Variants in LIAT1 observed in about 807,000 individuals in gnomAD.
The protein encoded by LIAT1 is ligand of ATE1.
At chr17:414,272 G>T in the LIAT1 span, 3 of 897,344 alleles carry the variant, frequency 3.3e-6, no homozygotes, top group Non-Finnish European at 5.1e-6. This position sits in a 1 kb window ranked among gnomAD's most constrained non-coding sequence, Gnocchi z 4.1. Context: ...AGCTGCCCTC[G>T]GTTGCCCAGG....
the LIAT1 span, chr17:410,403 G>T: frequency 1.3e-6 from 2 of 1,527,502 alleles, no homozygotes; most frequent in African/African-American, 1.4e-5. Context: ...AGTCGGCATC[G>T]GGCCTCGGGC....
At chr17:414,264 C>A in the LIAT1 span, 2 of 1,002,996 alleles carry the variant, frequency 2.0e-6, no homozygotes, top group Non-Finnish European at 2.9e-6. The surrounding 1 kb of genome is among the most constrained non-coding windows in gnomAD (Gnocchi z 4.1). Context: ...CATCACCAAG[C>A]TGCCCTCGGT....
the LIAT1 span, chr17:410,386 G>C: frequency 1.6e-5 from 24 of 1,523,280 alleles, no homozygotes; most frequent in South Asian, 1.9e-4. Context: ...GCTGAGAGTC[G>C]CCGATTAGTC....
the LIAT1 span, among the ~76,000 whole-genome samples, chr17:411,359 C>T: frequency 6.6e-6 from 1 of 152,304 alleles, no homozygotes; most frequent in African/African-American, 2.4e-5. Flanking sequence ...CACCTTCTAT[C>T]AATGTAACAC....
chr17:410,678 C>T, the LIAT1 span: 2 of 1,529,682 alleles, frequency 1.3e-6, no homozygotes, highest in African/African-American at 1.4e-5. Context: ...GCTGCGTCAG[C>T]TCCGGTTCCC....
the LIAT1 span, chr17:413,525 G>A: frequency 1.5e-5 from 20 of 1,294,502 alleles, no homozygotes; most frequent in East Asian, 1.8e-4. Flanking sequence ...CTTCCACCCC[G>A]ACCCCGAGGC....
chr17:410,527 C>T, the LIAT1 span: 3 of 1,545,614 alleles, frequency 1.9e-6, no homozygotes, highest in Middle Eastern at 1.7e-4. Flanking sequence ...GAGGGCGGCG[C>T]CGCGGGCCCG....
the LIAT1 span, chr17:414,204 C>T: frequency 2.8e-6 from 4 of 1,449,384 alleles, no homozygotes; most frequent in African/African-American, 4.3e-5. The surrounding 1 kb of genome is among the most constrained non-coding windows in gnomAD (Gnocchi z 4.1). Context: ...GAAATGAGAC[C>T]CGTATCTGAA....
the LIAT1 span, among the ~76,000 whole-genome samples, chr17:412,244 G>C: frequency 6.6e-6 from 1 of 152,006 alleles, no homozygotes; most frequent in South Asian, 2.1e-4. Flanking sequence ...GGAGGTTGCA[G>C]TGAGCCAAGA....
chr17:413,058 C>T, the LIAT1 span: 12 of 1,496,658 alleles, frequency 8.0e-6, no homozygotes, highest in Non-Finnish European at 9.9e-6. Context: ...CCCCCATCCT[C>T]CTCTTCCATC....
the LIAT1 span, among the ~76,000 whole-genome samples, chr17:410,803 A>AT: frequency 1.3e-5 from 2 of 151,930 alleles, no homozygotes; most frequent in Non-Finnish European, 2.9e-5. Context: ...CAGCACGTTG[A>AT]TGCCCCAGCC....
chr17:412,065 C>G, the LIAT1 span, among the ~76,000 whole-genome samples: 7 of 152,244 alleles, frequency 4.6e-5, no homozygotes, highest in African/African-American at 1.7e-4. Context: ...TTCTGCAGTT[C>G]AGGTCAAGAA....
chr17:414,387 G>A, the LIAT1 span: 2 of 447,304 alleles, frequency 4.5e-6, no homozygotes, highest in Non-Finnish European at 8.0e-6. The surrounding 1 kb of genome is among the most constrained non-coding windows in gnomAD (Gnocchi z 4.1). Context: ...TCTCACCACA[G>A]CTAGATGTCT....
At chr17:414,157 C>A in the LIAT1 span, 1 of 1,582,838 alleles carries the variant, frequency 6.3e-7, no homozygotes, top group East Asian at 2.2e-5. The surrounding 1 kb of genome is among the most constrained non-coding windows in gnomAD (Gnocchi z 4.1). Flanking sequence ...TTCCTCCTCA[C>A]CACAAGTTTA....
the LIAT1 span, chr17:413,373 C>T: frequency 6.2e-7 from 1 of 1,614,274 alleles, no homozygotes. Context: ...GGAATTCTTG[C>T]TGACCCGGAG....
chr17:411,561 A>G, the LIAT1 span, among the ~76,000 whole-genome samples: 8 of 152,102 alleles, frequency 5.3e-5, no homozygotes, highest in Non-Finnish European at 1.0e-4. Flanking sequence ...AAACTAAAGC[A>G]CAGATCCCCC....
the LIAT1 span, chr17:414,067 T>C: frequency 1.9e-6 from 3 of 1,614,214 alleles, no homozygotes; most frequent in South Asian, 3.3e-5. The surrounding 1 kb of genome is among the most constrained non-coding windows in gnomAD (Gnocchi z 4.1). Context: ...AAGGAAACCT[T>C]ACCCCAAAGC....
chr17:410,782 A>C, the LIAT1 span: 4 of 752,190 alleles, frequency 5.3e-6, no homozygotes, highest in Non-Finnish European at 8.5e-6. Flanking sequence ...CTCCCCACAC[A>C]TGCCCGTCAG....
chr17:410,790 C>G, the LIAT1 span: 1 of 728,198 alleles, frequency 1.4e-6, no homozygotes, highest in Non-Finnish European at 2.2e-6. Context: ...ACATGCCCGT[C>G]AGCAGCACGT....
Sources: gnomAD v4.1 joint callset for allele counts (sites outside exome capture counted in the v4.1 genomes callset) on GRCh38, gnomAD v4.1.1 for gene constraint, Gnocchi (gnomAD v3.1) non-coding constraint, MANE v1.5 for transcripts, NCBI Gene and HGNC (gene_info 2026-07-23, HGNC 2026-07-21) for gene names.